Variants in PRKAR1A observed in about 807,000 individuals in gnomAD.
PRKAR1A encodes the protein protein kinase cAMP-dependent type I regulatory subunit alpha.
Under a neutral mutation model 52.0 loss-of-function variants are expected in PRKAR1A, and 3 were observed. The ratio of observed to expected loss-of-function variants is 0.06; its 90% CI spans 0.03 to 0.15. PRKAR1A has a LOEUF of 0.15. PRKAR1A is among the 10% of genes least tolerant of loss of function. PRKAR1A has a pLI of 1.00. For synonymous variants in PRKAR1A, 188 were observed against 168.4 expected (o/e 1.12, Z -0.90); for missense variants, 240 against 477.4 (o/e 0.50, Z 4.63).
chr17:68,539,774 C>T (rs1448320697), intron 11 of PRKAR1A: 51 of 961,620 alleles, frequency 5.3e-5, no homozygotes, highest in Middle Eastern at 2.1e-4. Context: ...AGACAAGGCA[C>T]GTGGTGGTGG....
the PRKAR1A span, among the ~76,000 whole-genome samples, chr17:68,463,649 C>A: frequency 6.6e-6 from 1 of 151,918 alleles, no homozygotes; most frequent in African/African-American, 2.4e-5. Context: ...ATAGGGTGGG[C>A]AGGGAAGGCC....
the PRKAR1A span, among the ~76,000 whole-genome samples, chr17:68,419,451 C>T: frequency 6.6e-6 from 1 of 152,260 alleles, no homozygotes; most frequent in East Asian, 1.9e-4. Flanking sequence ...TGGCAGGTGC[C>T]TGTGATCCCA....
intron 7 of PRKAR1A, among the ~76,000 whole-genome samples, chr17:68,526,397 C>G (rs1403682309): frequency 6.6e-6 from 1 of 152,178 alleles, no homozygotes; most frequent in Non-Finnish European, 1.5e-5. Context: ...TTGGAACTTT[C>G]TGGTGATAGT....
chr17:68,421,041 G>A, the PRKAR1A span: 1 of 155,504 alleles, frequency 6.4e-6, no homozygotes, highest in Non-Finnish European at 1.4e-5. Context: ...GTCTCAGTAG[G>A]GCTCGAGTAG....
intron 2 of PRKAR1A, among the ~76,000 whole-genome samples, chr17:68,519,903 AC>A (rs1277220995): frequency 6.6e-6 from 1 of 152,200 alleles, no homozygotes; most frequent in East Asian, 1.9e-4. Flanking sequence ...CATTTTATAG[AC>A]ATAGCAGTAA....
chr17:68,521,537 T>C (rs913422591), intron 2 of PRKAR1A, among the ~76,000 whole-genome samples: 1 of 152,258 alleles, frequency 6.6e-6, no homozygotes, highest in African/African-American at 2.4e-5. Flanking sequence ...AGTCATGTAT[T>C]CTTAAACTTT....
chr17:68,497,824 G>A, the PRKAR1A span, among the ~76,000 whole-genome samples: 3 of 152,156 alleles, frequency 2.0e-5, no homozygotes, highest in African/African-American at 4.8e-5. Context: ...GCTGCCTCAC[G>A]AAAGACAAGA....
downstream of PRKAR1A, among the ~76,000 whole-genome samples, chr17:68,534,303 CT>C (rs1259824809): frequency 1.3e-5 from 2 of 152,078 alleles, no homozygotes; most frequent in African/African-American, 2.4e-5. Flanking sequence ...AGATGGTGGG[CT>C]TTTTTTAATC....
chr17:68,435,762 T>C, the PRKAR1A span: 1 of 1,537,334 alleles, frequency 6.5e-7, no homozygotes, highest in Non-Finnish European at 9.0e-7. Context: ...GGAGGGAAGA[T>C]GGATTTCACC....
the PRKAR1A span, among the ~76,000 whole-genome samples, chr17:68,471,269 A>G: frequency 1.3e-5 from 2 of 152,230 alleles, no homozygotes; most frequent in Admixed American, 6.5e-5. Flanking sequence ...AAATAGAACT[A>G]TCTCTAAGAT....
the PRKAR1A span, among the ~76,000 whole-genome samples, chr17:68,486,619 C>CCTCCTT: frequency 8.1e-4 from 121 of 149,466 alleles, no homozygotes; most frequent in Middle Eastern, 6.8e-3. Context: ...TTCTCTCCTT[C>CCTCCTT]CTCCTTCTCC....
the PRKAR1A span, among the ~76,000 whole-genome samples, chr17:68,460,271 A>C: frequency 1.6e-4 from 24 of 152,312 alleles, no homozygotes; most frequent in African/African-American, 5.8e-4. Flanking sequence ...ACTAAATGAC[A>C]GGCATGGCAA....
At chr17:68,510,159 C>CAGAG (rs35144524), upstream of PRKAR1A, among the ~76,000 whole-genome samples, 3,508 of 127,600 alleles carry the variant, frequency 0.027, 136 homozygotes, top group African/African-American at 0.067. Flanking sequence ...TATATGTAGA[C>CAGAG]AGAGAGAGAG....
the PRKAR1A span, among the ~76,000 whole-genome samples, chr17:68,468,649 C>T: frequency 1.2e-4 from 18 of 152,096 alleles, no homozygotes; most frequent in Non-Finnish European, 2.1e-4. Context: ...ATTGCAAATA[C>T]GCACGAGGAA....
the PRKAR1A span, among the ~76,000 whole-genome samples, chr17:68,494,400 G>T: frequency 6.6e-6 from 1 of 152,104 alleles, no homozygotes; most frequent in Admixed American, 6.6e-5. Flanking sequence ...AAATTAGCCA[G>T]GCATGGTGGT....
the PRKAR1A span, among the ~76,000 whole-genome samples, chr17:68,482,435 A>G: frequency 6.6e-6 from 1 of 152,236 alleles, no homozygotes; most frequent in Non-Finnish European, 1.5e-5. Flanking sequence ...TTTATATGCT[A>G]TAATATAGAA....
At chr17:68,418,039 A>AT in the PRKAR1A span, among the ~76,000 whole-genome samples, 2 of 151,948 alleles carry the variant, frequency 1.3e-5, no homozygotes, top group Admixed American at 6.6e-5. Context: ...TGAGTTGTTG[A>AT]TTTTTTAGTT....
At chr17:68,451,205 A>T in the PRKAR1A span, among the ~76,000 whole-genome samples, 1 of 152,184 alleles carries the variant, frequency 6.6e-6, no homozygotes, top group African/African-American at 2.4e-5. Context: ...CTGAGGCAGG[A>T]GAATCACTTG....
the PRKAR1A span, among the ~76,000 whole-genome samples, chr17:68,427,882 T>A: frequency 1.3e-5 from 2 of 151,964 alleles, no homozygotes; most frequent in East Asian, 3.9e-4. Context: ...GCATGAGTGC[T>A]TTTCTTTTGT....
Sources: allele counts gnomAD v4.1 joint callset (sites outside exome capture counted in the v4.1 genomes callset), GRCh38; gene constraint gnomAD v4.1.1; transcripts MANE v1.5; gene names NCBI Gene and HGNC (gene_info 2026-07-23, HGNC 2026-07-21).